RBM12: variants seen among roughly 807,000 people sequenced by gnomAD.
RBM12 encodes RNA binding motif protein 12.
A neutral mutation model predicts 37.2 loss-of-function variants in RBM12; 24 were observed. The observed-to-expected ratio is 0.65, with a 90% CI of 0.47 to 0.91. The LOEUF (loss-of-function observed/expected upper bound fraction) is 0.91, where lower values mean the gene tolerates loss of function less well. RBM12 is among the 40% of genes least tolerant of loss of function. The pLI is 0.00. For missense variants in RBM12, 1,061 were observed against 1,183.2 expected (o/e 0.90, Z 1.52); for synonymous variants, 420 against 425.2 (o/e 0.99, Z 0.15).
chr20:35,659,098 C>G (rs894653337), intron 1 of RBM12, 84 bp from the exon 2 acceptor site: 1 of 538,974 alleles, frequency 1.9e-6, no homozygotes, highest in Non-Finnish European at 3.4e-6. Flanking sequence ...ATTACGAAGG[C>G]GAGTCTGAAA....
rs1157397920 is a variant in RBM12, at chr20:35,651,957, A to C, written c.*567T>G. On this transcript the variant is annotated 3_prime_UTR_variant, in exon 3 of 3. Coordinates refer to ENST00000374114, the MANE Select transcript of RBM12 (RefSeq NM_006047.6). ...AGTCAATTAGACAAACAAAGCAGCA[A>C]CTTCTGAAGCAGGACTGTCTATACA... 1 of 152,556 alleles carries C rather than the reference A, an allele frequency of 6.6e-6. No homozygotes were observed. The highest frequency in any genetic ancestry group is 1.5e-5 in the Non-Finnish European group (1 of 68,050). 9.5% of individuals were successfully genotyped at this position (152,556 alleles called of 1,614,324 possible).
Position 35,653,452 on chromosome 20 carries a change from A to G in RBM12, c.1871T>C (p.Met624Thr), listed in dbSNP as rs768736508. The G allele has an allele frequency of 5.0e-6, 8 of 1,614,074 alleles. No homozygotes were observed. Among genetic ancestry groups the G allele is most frequent in the African/African-American group, 1.3e-5 (1 of 74,998 alleles). ...AFVHVVTLED[M>T]REIEKNPPAQ... Reference sequence around the variant, plus strand: ...AGGGGGATTTTTCTCAATCTCTCTCATATCTTCTAGGGTAACTACATGAAC... The same window carrying G: ...AGGGGGATTTTTCTCAATCTCTCTCGTATCTTCTAGGGTAACTACATGAAC... The change falls in exon 3 of 3, where the codon ATG (methionine) becomes ACG (threonine). Residue 624 changes from methionine (M) to threonine (T), a missense_variant. By Grantham distance (81) the Met-to-Thr change is moderately conservative (BLOSUM62 -1). Around this residue, in one of 3 missense-constraint regions of RBM12, gnomAD observed 517 missense variants for 534.0 expected, o/e 0.97. Coordinates refer to ENST00000374114, the MANE Select transcript of RBM12 (RefSeq NM_006047.6).
intron 1 of RBM12, among the ~76,000 whole-genome samples, chr20:35,662,490 T>G (rs1568946938): frequency 6.6e-6 from 1 of 152,208 alleles, no homozygotes; most frequent in African/African-American, 2.4e-5. Flanking sequence ...CCATGAACAT[T>G]TACTATTAAG....
chr20:35,652,520 A>C lies in RBM12; in HGVS notation c.*4T>G, dbSNP rs1303816076. On this transcript the variant is annotated 3_prime_UTR_variant, in exon 3 of 3. Transcript: ENST00000374114. The stretch of plus-strand genomic sequence containing the variant: ...ATCTACCCTATAAAAAATGATGTGA[A>C]TGGCTACCCTAATACAAGTTTTACT... 6.2e-7 allele frequency: 1 copy of C among 1,602,778 alleles called. No individual in the cohort carries two copies.
At chr20:35,657,947 A>G (rs1458852198) in intron 2 of RBM12, among the ~76,000 whole-genome samples, 1 of 152,166 alleles carries the variant, frequency 6.6e-6, no homozygotes, top group Non-Finnish European at 1.5e-5. Flanking sequence ...CTGTAATCCC[A>G]GCTACTAGGG....
At position 35,653,342 on chromosome 20, in the gene RBM12, C is replaced by A; in HGVS notation, c.1981G>T (p.Gly661Ter). 1 of 1,613,898 alleles carries A rather than the reference C, an allele frequency of 6.2e-7. No individual in the cohort carries two copies. The highest frequency in any genetic ancestry group is 8.5e-7 in the Non-Finnish European group (1 of 1,179,874). ...CCGGGAAGTCCTGCACTGGGCAGTC[C>A]CACACCGGGCAGTCCCGCATTGGGC... is the stretch of plus-strand genomic sequence containing the variant. ...GMPNAGLPGV[G>*]LPSAGLPGAG... is the part of the protein sequence containing the mutation. The change falls in exon 3 of 3, where the codon GGA becomes TGA. Residue 661 changes from glycine (G) to a stop codon, truncating the protein, a stop_gained. Transcript: ENST00000374114. LOFTEE classifies it high-confidence loss of function.
chr20:35,653,422 T>C lies in RBM12; in HGVS notation c.1901A>G (p.Gln634Arg), dbSNP rs778712727. 66 of 1,613,980 alleles carry C rather than the reference T, an allele frequency of 4.1e-5. No individual in the cohort carries two copies. The highest frequency in any genetic ancestry group is 2.3e-5 in the Non-Finnish European group (27 of 1,180,018). ...MREIEKNPPA[Q>R]GKKGLKMPVP... is the part of the protein sequence containing the mutation. ...AGGCATCTTTAATCCCTTTTTTCCT[T>C]GGGCAGGGGGATTTTTCTCAATCTC... Residue 634 changes from glutamine (Q) to arginine (R), a missense_variant, in exon 3 of 3, where the codon CAA (glutamine) becomes CGA (arginine). Gln to Arg is a conservative substitution (Grantham distance 43, BLOSUM62 1). Transcript: ENST00000374114.
rs1338121218 is a variant in RBM12, at chr20:35,649,058, G to A, written c.*3466C>T. On this transcript the variant is annotated 3_prime_UTR_variant, in exon 3 of 3. Transcript: ENST00000374114. ...AGGCAGTATTTGCTGGCAATGTTGT[G>A]GCCATATTGGCAACAAGCCATTTTG... is the stretch of plus-strand genomic sequence containing the variant. 6.6e-6 allele frequency: 1 copy of A among 152,606 alleles called. No homozygotes were observed. Among genetic ancestry groups the A allele is most frequent in the Non-Finnish European group, 1.5e-5 (1 of 68,024 alleles). 9.5% of individuals were successfully genotyped at this position (152,606 alleles called of 1,614,324 possible). A position where few individuals can be genotyped will look rare whatever the true frequency, so the allele number is the denominator to read the frequency against.
At chr20:35,659,285 T>G (rs549126295) in intron 1 of RBM12, among the ~76,000 whole-genome samples, 1 of 152,284 alleles carries the variant, frequency 6.6e-6, no homozygotes, top group Non-Finnish European at 1.5e-5. Context: ...CACTGAAAAT[T>G]AAAACAGTCA....
chr20:35,655,036 T>C lies in RBM12; in HGVS notation c.287A>G (p.Asp96Gly). Residue 96 changes from aspartate (D) to glycine (G), a missense_variant, in exon 3 of 3, where the codon GAT becomes GGT. Coordinates refer to ENST00000374114, the MANE Select transcript of RBM12 (RefSeq NM_006047.6). ...TCTACTGGCATTTGCTGGTGGTATA[T>C]CTAAGTTGGCAGTTTCAAAACGCCT... ...SRRRFETANLDIPPANASRSG... is the reference protein window; with the variant it reads ...SRRRFETANLGIPPANASRSG... The C allele has an allele frequency of 6.2e-7, 1 of 1,614,166 alleles. No individual in the cohort carries two copies. The highest frequency in any genetic ancestry group is 8.5e-7 in the Non-Finnish European group (1 of 1,180,034).
chr20:35,664,238 G>A (rs1000950982), intron 1 of RBM12: 19 of 152,270 alleles, frequency 1.2e-4, no homozygotes, highest in African/African-American at 3.6e-4. Context: ...ACTCACAGGA[G>A]TGTACCGACT....
Position 35,649,271 on chromosome 20 carries a change from G to GA in RBM12, c.*3252dup, listed in dbSNP as rs2033335294. On this transcript the variant is annotated 3_prime_UTR_variant, in exon 3 of 3. Coordinates refer to ENST00000374114, the MANE Select transcript of RBM12 (RefSeq NM_006047.6). Reference sequence around the variant, plus strand: ...TCCCGAGTGTTCTTAAAATTGATGAGATTTTACACTTGGCCCATACCTGTA... The same window carrying GA: ...TCCCGAGTGTTCTTAAAATTGATGAGAATTTTACACTTGGCCCATACCTGTA... 2 of 152,170 alleles carry GA rather than the reference G, an allele frequency of 1.3e-5. No homozygotes were observed. Among genetic ancestry groups the GA allele is most frequent in the African/African-American group, 4.8e-5 (2 of 41,448 alleles). 9.4% of individuals were successfully genotyped at this position (152,170 alleles called of 1,614,324 possible). A position where few individuals can be genotyped will look rare whatever the true frequency, so the allele number is the denominator to read the frequency against.
rs1555880144 is a variant in RBM12, at chr20:35,652,818, A to AGGGCCAGGGCCG, written c.2504_2505insCGGCCCTGGCCC (p.Gly834_Pro837dup). 1.9e-5 allele frequency: 30 copies of AGGGCCAGGGCCG among 1,602,474 alleles called. No homozygotes were observed. In the Admixed American group the frequency reaches 2.6e-4, roughly 14 times the overall value. ...GGGGACCACCAATATGGATTGGGCC[A>AGGGCCAGGGCCG]GGGCCGGGGCCGGGGCCGGGGCCAG... On this transcript the variant is annotated inframe_insertion, in exon 3 of 3. Transcript: ENST00000374114.
At chr20:35,656,742 G>A (rs1411633437) in intron 2 of RBM12, among the ~76,000 whole-genome samples, 2 of 148,172 alleles carry the variant, frequency 1.3e-5, no homozygotes, top group Non-Finnish European at 3.0e-5. Flanking sequence ...CCTGACCTCA[G>A]GTGATCCACC....
Position 35,654,335 on chromosome 20 carries a change from C to T in RBM12, c.988G>A (p.Asp330Asn). 1 of 1,614,158 alleles carries T rather than the reference C, an allele frequency of 6.2e-7. No homozygotes were observed. ...TGATCTTTCAACAAATGCACTGCATCAACACGGAGCCCATGAAAAAAATCT... is the reference window on the plus strand; with the variant it reads ...TGATCTTTCAACAAATGCACTGCATTAACACGGAGCCCATGAAAAAAATCT... ...VRDFFHGLRV[D>N]AVHLLKDHVG... Residue 330 changes from aspartate to asparagine, a missense_variant, in exon 3 of 3, where the codon GAT (aspartate) becomes AAT (asparagine). Asp to Asn is a conservative substitution (Grantham distance 23). Coordinates refer to ENST00000374114, the MANE Select transcript of RBM12 (RefSeq NM_006047.6).
intron 1 of RBM12, among the ~76,000 whole-genome samples, chr20:35,660,266 G>C (rs1397895468): frequency 6.6e-6 from 1 of 151,930 alleles, no homozygotes; most frequent in Non-Finnish European, 1.5e-5. Context: ...GCAGTGGCGC[G>C]ATCTAGGCTC....
intron 1 of RBM12, among the ~76,000 whole-genome samples, chr20:35,663,436 T>C (rs147742916): frequency 2.0e-3 from 300 of 152,280 alleles, no homozygotes; most frequent in Middle Eastern, 3.4e-3. Flanking sequence ...AGCTCTAAAA[T>C]ACTGCAGTCA....
chr20:35,655,002 T>C lies in RBM12; in HGVS notation c.321A>G (p.Pro107=). ...IPPANASRSG[P]PPSSGMSSRV... is the part of the protein sequence containing the mutation. ...TGCTACTCATTCCTGAGCTAGGTGGTGGTCCTGATCTACTGGCATTTGCTG... is the reference window on the plus strand; with the variant it reads ...TGCTACTCATTCCTGAGCTAGGTGGCGGTCCTGATCTACTGGCATTTGCTG... The change falls in exon 3 of 3, where the codon CCA becomes CCG. Residue 107 remains proline (P), a synonymous_variant. Coordinates refer to ENST00000374114, the MANE Select transcript of RBM12 (RefSeq NM_006047.6). 2 of 1,614,230 alleles carry C rather than the reference T, an allele frequency of 1.2e-6. No homozygotes were observed. Among genetic ancestry groups the C allele is most frequent in the Non-Finnish European group, 1.7e-6 (2 of 1,180,042 alleles).
At position 35,648,934 on chromosome 20, in the gene RBM12, A is replaced by T. The variant is rs2033313433; in HGVS notation, c.*3590T>A. The stretch of plus-strand genomic sequence containing the variant: ...CAGTAAAGTACTTTTGTGCAGTTAA[A>T]GCATTAAAAGCATCAGCCTGTTTTA... On this transcript the variant is annotated 3_prime_UTR_variant, in exon 3 of 3. Transcript: ENST00000374114. 1 of 152,710 alleles carries T rather than the reference A, an allele frequency of 6.5e-6. No homozygotes were observed. Among genetic ancestry groups the T allele is most frequent in the Non-Finnish European group, 1.5e-5 (1 of 68,052 alleles). 9.5% of individuals were successfully genotyped at this position (152,710 alleles called of 1,614,324 possible).
Sources: allele counts gnomAD v4.1 joint callset (sites outside exome capture counted in the v4.1 genomes callset), GRCh38; gene constraint gnomAD v4.1.1; regional missense constraint gnomAD v4.1.1; transcripts MANE v1.5; gene names NCBI Gene and HGNC (gene_info 2026-07-23, HGNC 2026-07-21).